ATRNL1: variants seen among roughly 807,000 people sequenced by gnomAD.
ATRNL1 encodes attractin-like protein 1.
ATRNL1 carries 95 observed loss-of-function variants against 182.7 expected under a neutral mutation model. The observed-to-expected ratio is 0.52, with a 90% confidence interval of 0.44 to 0.62. The LOEUF (loss-of-function observed/expected upper bound fraction) is 0.62. Among genes scored for constraint, ATRNL1 ranks in the 20% least tolerant of loss-of-function variants. ATRNL1 has a pLI of 0.00. For missense variants in ATRNL1, 1,471 were observed against 1,679.5 expected, an observed-to-expected ratio of 0.88 and a Z score of 2.17; for synonymous variants, 576 against 568.3, an observed-to-expected ratio of 1.01 and a Z score of -0.19.
At chr10:115,630,849 C>CAG (rs1270031698) in intron 26 of ATRNL1, among the ~76,000 whole-genome samples, 3 of 140,562 alleles carry the variant, frequency 2.1e-5, no homozygotes, top group African/African-American at 8.8e-5. Context: ...CACACACACA[C>CAG]ACACACACAC....
chr10:115,303,223 T>A (rs1367099870), intron 17 of ATRNL1, among the ~76,000 whole-genome samples: 1 of 13,354 alleles, frequency 7.5e-5, no homozygotes, highest in Non-Finnish European at 1.2e-4. Flanking sequence ...GTATGCAGGT[T>A]TTTTTTTTTT....
intron 24 of ATRNL1, among the ~76,000 whole-genome samples, chr10:115,504,208 T>G (rs924268003): frequency 1.3e-5 from 2 of 152,088 alleles, no homozygotes; most frequent in South Asian, 2.1e-4. Context: ...GAAATAGTCA[T>G]TATTTAAAGT....
intron 21 of ATRNL1, among the ~76,000 whole-genome samples, chr10:115,452,949 G>C (rs1554967948): frequency 6.6e-6 from 1 of 151,988 alleles, no homozygotes; most frequent in African/African-American, 2.4e-5. Flanking sequence ...TACAATATTT[G>C]TTCTTCTGGT....
chr10:115,546,435 G>A (rs567829314), intron 25 of ATRNL1, among the ~76,000 whole-genome samples: 3 of 151,716 alleles, frequency 2.0e-5, no homozygotes, highest in Admixed American at 6.6e-5. Flanking sequence ...GCGTGGTGGC[G>A]CACATCTGTA....
At chr10:115,690,603 C>T (rs149021585) in intron 26 of ATRNL1, among the ~76,000 whole-genome samples, 47 of 152,258 alleles carry the variant, frequency 3.1e-4, no homozygotes, top group African/African-American at 9.1e-4. Context: ...ATCTTTTGAA[C>T]CAACCAACAC....
At chr10:115,862,354 T>A (rs1436184415) in intron 28 of ATRNL1, among the ~76,000 whole-genome samples, 4 of 152,238 alleles carry the variant, frequency 2.6e-5, no homozygotes, top group African/African-American at 9.6e-5. Context: ...TCACCTTCCC[T>A]GATGCTTCAG....
chr10:115,523,420 C>G (rs186714198), intron 25 of ATRNL1, among the ~76,000 whole-genome samples: 1 of 152,090 alleles, frequency 6.6e-6, no homozygotes, highest in South Asian at 2.1e-4. Flanking sequence ...GTTTGCTACC[C>G]CAGCACTCTT....
chr10:115,555,026 T>G (rs1192932683), intron 26 of ATRNL1, among the ~76,000 whole-genome samples: 2 of 151,776 alleles, frequency 1.3e-5, no homozygotes, highest in African/African-American at 4.8e-5. Flanking sequence ...GATGTTTATG[T>G]GTGTATATGT....
Position 115,628,470 on chromosome 10 carries a change from A to G in ATRNL1, c.3795+78934A>G, listed in dbSNP as rs372174242. 1.5e-3 allele frequency among the ~76,000 whole-genome samples: 233 copies of G among 152,268 alleles called. 1 individual carries two copies. Among genetic ancestry groups the G allele is most frequent in the African/African-American group, 5.5e-3 (227 of 41,566 alleles). On this transcript the variant is annotated intron_variant, in intron 26 of 28. Transcript: ENST00000355044. ...TGTAAGGGTTTTTTATATAACCTAG[A>G]TGCTAGATCCCTATCAGATAAATGA...
At chr10:115,769,563 T>C (rs1565363071) in intron 27 of ATRNL1, among the ~76,000 whole-genome samples, 1 of 152,142 alleles carries the variant, frequency 6.6e-6, no homozygotes, top group Non-Finnish European at 1.5e-5. Flanking sequence ...CACATAGCGC[T>C]CAGTACATTG....
At chr10:115,840,558 A>C (rs948448947) in intron 27 of ATRNL1, among the ~76,000 whole-genome samples, 2 of 152,128 alleles carry the variant, frequency 1.3e-5, no homozygotes, top group African/African-American at 4.8e-5. Flanking sequence ...AACTTGAGGC[A>C]CAGGGAGGTT....
intron 28 of ATRNL1, among the ~76,000 whole-genome samples, chr10:115,920,751 T>C (rs1043869558): frequency 2.0e-5 from 3 of 152,210 alleles, no homozygotes; most frequent in Non-Finnish European, 4.4e-5. Flanking sequence ...GAACCATTAA[T>C]GAAAGCAGGA....
intron 19 of ATRNL1, among the ~76,000 whole-genome samples, chr10:115,341,149 G>T (rs1855736045): frequency 6.6e-6 from 1 of 151,622 alleles, no homozygotes. Context: ...TTTTGATGTA[G>T]GCACTTATAG....
At chr10:115,299,856 ACAT>A (rs1194480994) in intron 15 of ATRNL1, among the ~76,000 whole-genome samples, 175 bp from the exon 16 acceptor site, 1 of 152,360 alleles carries the variant, frequency 6.6e-6, no homozygotes, top group East Asian at 1.9e-4. Flanking sequence ...GTTCTATTCT[ACAT>A]CATTCTCCAA....
chr10:115,632,864 TTTTTATTTTATTTTA>T (rs10530158), intron 26 of ATRNL1, among the ~76,000 whole-genome samples: 4 of 136,532 alleles, frequency 2.9e-5, no homozygotes, highest in South Asian at 2.5e-4. Context: ...TCACATTAAC[TTTTTATTTTATTTTA>T]TTTTATTTTA....
rs1554902843 is a variant in ATRNL1, at chr10:115,241,571, G to A, written c.1533G>A (p.Trp511Ter). 3 of 1,591,056 alleles carry A rather than the reference G, an allele frequency of 1.9e-6. No individual in the cohort carries two copies. Among genetic ancestry groups the A allele is most frequent in the East Asian group, 2.2e-5 (1 of 44,624 alleles). ...LYKYEVNTKT[W>*]TILKESGFAR... ...TACATTTTTAAATTTTATTCTGTAG[G>A]ACTATTTTGAAAGAAAGTGGGTTTG... Residue 511 changes from tryptophan (W) to a stop codon, truncating the protein, a stop_gained and splice_region_variant, in exon 10 of 29, where the codon TGG becomes TGA. Coordinates refer to ENST00000355044, the MANE Select transcript of ATRNL1 (RefSeq NM_207303.4). LOFTEE classifies it high-confidence loss of function.
intron 27 of ATRNL1, among the ~76,000 whole-genome samples, chr10:115,816,800 G>A (rs1555088726): frequency 6.6e-6 from 1 of 152,068 alleles, no homozygotes; most frequent in Non-Finnish European, 1.5e-5. Context: ...ATCACTGTGA[G>A]GAATGGGAGA....
chr10:115,271,405 G>A (rs981666777), intron 13 of ATRNL1, among the ~76,000 whole-genome samples: 2 of 151,938 alleles, frequency 1.3e-5, no homozygotes, highest in African/African-American at 4.8e-5. Context: ...TTTACGTTAG[G>A]TATATCTCCT....
chr10:115,124,406 C>G (rs1330675142), intron 3 of ATRNL1, among the ~76,000 whole-genome samples: 2 of 152,134 alleles, frequency 1.3e-5, no homozygotes, highest in African/African-American at 4.8e-5. Context: ...CTGGGAGGAT[C>G]ATAAATGCAA....
Sources: allele counts gnomAD v4.1 joint callset (sites outside exome capture counted in the v4.1 genomes callset), GRCh38; gene constraint gnomAD v4.1.1; transcripts MANE v1.5; gene names NCBI Gene and HGNC (gene_info 2026-07-23, HGNC 2026-07-21).